Variants in KAZN observed in about 807,000 individuals in gnomAD.
The protein encoded by KAZN is kazrin.
Under a neutral mutation model 87.4 loss-of-function variants are expected in KAZN, and 40 were observed. That is an observed-to-expected ratio of 0.46 (90% CI 0.36 to 0.60). The LOEUF is 0.60. KAZN is among the 20% of genes least tolerant of loss of function. The pLI, the probability that KAZN is intolerant of heterozygous loss-of-function variation, is 0.00. For missense variants in KAZN, 898 were observed against 1,073.9 expected (o/e 0.84, Z 2.29); for synonymous variants, 466 against 458.3 (o/e 1.02, Z -0.22).
At chr1:14,954,817 G>C (rs11582277) in intron 1 of KAZN, among the ~76,000 whole-genome samples, 1 of 152,074 alleles carries the variant, frequency 6.6e-6, no homozygotes, top group African/African-American at 2.4e-5. Flanking sequence ...TTAGCTGGGC[G>C]TGGTGGCAGG....
At chr1:15,010,371 C>T (rs544356933) in intron 2 of KAZN, among the ~76,000 whole-genome samples, 2 of 150,320 alleles carry the variant, frequency 1.3e-5, no homozygotes, top group Non-Finnish European at 3.0e-5. Context: ...GGGCACGTGC[C>T]ATCTGGTTGT....
At chr1:15,104,595 G>A (rs1046780797) in intron 13 of KAZN, among the ~76,000 whole-genome samples, 1 of 152,152 alleles carries the variant, frequency 6.6e-6, no homozygotes. Flanking sequence ...AAGGCTTGGA[G>A]TCAGGAATGA....
chr1:14,386,094 T>C (rs1351520832), intron 2 of KAZN, among the ~76,000 whole-genome samples: 3 of 149,798 alleles, frequency 2.0e-5, no homozygotes, highest in Non-Finnish European at 4.5e-5. Context: ...TTTTGATCTT[T>C]GTTGGTTTAA....
At chr1:13,919,688 T>C (rs1412697740) in intron 1 of KAZN, among the ~76,000 whole-genome samples, 2 of 152,230 alleles carry the variant, frequency 1.3e-5, no homozygotes, top group African/African-American at 2.4e-5. Context: ...TGTGTTTTCC[T>C]TATTAAATTT....
At chr1:14,945,555 C>A (rs1567796) in intron 1 of KAZN, among the ~76,000 whole-genome samples, 6,352 of 152,290 alleles carry the variant, frequency 0.042, 456 homozygotes, top group African/African-American at 0.15. Flanking sequence ...CTCCCCCCAC[C>A]CCGGCTGGCT....
intron 1 of KAZN, among the ~76,000 whole-genome samples, chr1:14,070,718 T>C (rs992829137): frequency 7.2e-5 from 11 of 152,190 alleles, no homozygotes; most frequent in African/African-American, 2.4e-4. Context: ...GAGCTACACA[T>C]ATTGTTTTAA....
chr1:13,942,279 G>A (rs1440736129), intron 1 of KAZN, among the ~76,000 whole-genome samples: 4 of 151,832 alleles, frequency 2.6e-5, no homozygotes, highest in African/African-American at 4.8e-5. Context: ...GGTGGCTCAC[G>A]CCTGTAATCC....
chr1:14,188,374 A>C (rs2100348446), intron 2 of KAZN, among the ~76,000 whole-genome samples: 1 of 152,156 alleles, frequency 6.6e-6, no homozygotes, highest in Middle Eastern at 3.4e-3. Flanking sequence ...TTTTTCAGAA[A>C]TTTACATTTA....
At chr1:14,504,287 C>T (rs528276288) in intron 2 of KAZN, among the ~76,000 whole-genome samples, 1 of 152,098 alleles carries the variant, frequency 6.6e-6, no homozygotes, top group Non-Finnish European at 1.5e-5. Flanking sequence ...CCACATTTAC[C>T]GTTAATTTAA....
chr1:15,042,321 G>A (rs1461912291), intron 3 of KAZN, among the ~76,000 whole-genome samples: 1 of 152,146 alleles, frequency 6.6e-6, no homozygotes, highest in Non-Finnish European at 1.5e-5. Flanking sequence ...ACGAGTGCAG[G>A]GATTTTTGTC....
intron 2 of KAZN, among the ~76,000 whole-genome samples, chr1:14,255,274 G>A (rs2100630634): frequency 6.6e-6 from 1 of 152,232 alleles, no homozygotes; most frequent in African/African-American, 2.4e-5. Flanking sequence ...TGGGAGGATA[G>A]CACCAAGCCA....
intron 2 of KAZN, among the ~76,000 whole-genome samples, chr1:15,007,073 A>AAAAAG (rs555514431): frequency 7.9e-6 from 1 of 127,142 alleles, no homozygotes; most frequent in African/African-American, 2.8e-5. Flanking sequence ...AAAAAAAAAA[A>AAAAAG]AAAAGAAAAA....
chr1:14,130,656 G>A (rs1440290668), intron 1 of KAZN, among the ~76,000 whole-genome samples: 10 of 152,032 alleles, frequency 6.6e-5, no homozygotes, highest in Non-Finnish European at 1.0e-4. Context: ...TAACCAGAAA[G>A]CTGTGAATCC....
chr1:14,720,453 T>G (rs1040723621), intron 1 of KAZN, among the ~76,000 whole-genome samples: 1 of 152,184 alleles, frequency 6.6e-6, no homozygotes, highest in Non-Finnish European at 1.5e-5. Context: ...CTTGTCTCCT[T>G]CTGAAACCTG....
At chr1:14,827,522 A>AG (rs1483513990) in intron 1 of KAZN, among the ~76,000 whole-genome samples, 5 of 151,968 alleles carry the variant, frequency 3.3e-5, no homozygotes, top group Non-Finnish European at 5.9e-5. Context: ...CTTTTCCATT[A>AG]GGGGCAGGGA....
intron 2 of KAZN, among the ~76,000 whole-genome samples, chr1:14,418,347 G>A (rs1665009713): frequency 6.6e-6 from 1 of 152,248 alleles, no homozygotes; most frequent in South Asian, 2.1e-4. Flanking sequence ...GGCTTGCTGT[G>A]ATCAGTAAAG....
chr1:14,820,328 T>C lies in KAZN; in HGVS notation c.227-140356T>C, dbSNP rs1219468872. The stretch of plus-strand genomic sequence containing the variant: ...GGCTTTTGAGGGTTACTTAGCCAAG[T>C]CATTGCCTCTGTTCCCGGAGCCATC... On this transcript the variant is annotated intron_variant, in intron 1 of 14. Transcript: ENST00000376030. This position sits in a 1 kb window ranked among gnomAD's most constrained non-coding sequence, Gnocchi z 4.1. Among the ~76,000 whole-genome samples the C allele has an allele frequency of 6.6e-6, 1 of 152,190 alleles. No homozygotes were observed. Among genetic ancestry groups the C allele is most frequent in the African/African-American group, 2.4e-5 (1 of 41,458 alleles).
In KAZN at chr1:15,067,797, C is replaced by T. The variant is rs370110462; in HGVS notation, c.1222+2044C>T. On this transcript the variant is annotated intron_variant, in intron 8 of 14. Coordinates refer to ENST00000376030, the MANE Select transcript of KAZN (RefSeq NM_201628.3). ...AACCGAGCCTAGGGGTGACGGGGAG[C>T]GACCCAAGCTGGCATCTTTCTCTAC... is the stretch of plus-strand genomic sequence containing the variant. 50 of 985,170 alleles carry T rather than the reference C, an allele frequency of 5.1e-5. No homozygotes were observed. The South Asian group carries it at 2.1e-3, about 41-fold the overall frequency. The allele number at this position is 985,170 out of a possible 1,614,324, so 61.0% of individuals were successfully genotyped here.
intron 1 of KAZN, among the ~76,000 whole-genome samples, chr1:14,866,382 C>A (rs1460309995): frequency 3.3e-5 from 5 of 152,196 alleles, no homozygotes; most frequent in African/African-American, 9.7e-5. Context: ...AAGGTCTATG[C>A]CCATCTTGTC....
Sources: gnomAD v4.1 joint callset for allele counts (sites outside exome capture counted in the v4.1 genomes callset) on GRCh38, gnomAD v4.1.1 for gene constraint, Gnocchi (gnomAD v3.1) non-coding constraint, MANE v1.5 for transcripts, NCBI Gene and HGNC (gene_info 2026-07-23, HGNC 2026-07-21) for gene names.